Variants in ITPR1 observed in about 807,000 individuals in gnomAD.
ITPR1 encodes inositol 1,4,5-trisphosphate-gated calcium channel ITPR1.
A neutral mutation model predicts 318.4 loss-of-function variants in ITPR1; 96 were observed. The ratio of observed to expected loss-of-function variants is 0.30; its 90% CI spans 0.26 to 0.36. The LOEUF (loss-of-function observed/expected upper bound fraction) is 0.36. ITPR1 is among the 10% of genes least tolerant of loss of function. The pLI is 1.00. For missense variants in ITPR1, 2,440 were observed against 3,460.2 expected (o/e 0.71, Z 7.40); for synonymous variants, 1,312 against 1,289.9 (o/e 1.02, Z -0.37).
chr3:4,669,066 C>T (rs182017793), intron 18 of ITPR1, among the ~76,000 whole-genome samples: 1 of 152,298 alleles, frequency 6.6e-6, no homozygotes, highest in African/African-American at 2.4e-5. Context: ...TGTAAAAACA[C>T]CTACTACCAC....
intron 4 of ITPR1, among the ~76,000 whole-genome samples, chr3:4,622,138 G>A (rs930277835): frequency 1.5e-5 from 2 of 129,310 alleles, no homozygotes; most frequent in African/African-American, 5.7e-5. Context: ...TTTTTGAGAA[G>A]GAGTCTTGTT....
intron 60 of ITPR1, among the ~76,000 whole-genome samples, chr3:4,834,442 C>T (rs1206692669): frequency 6.6e-6 from 1 of 152,160 alleles, no homozygotes; most frequent in Non-Finnish European, 1.5e-5. Context: ...GTAGCAGCCA[C>T]CGTGAGTATC....
intron 60 of ITPR1, among the ~76,000 whole-genome samples, chr3:4,835,660 A>G (rs909705455): frequency 6.6e-6 from 1 of 152,198 alleles, no homozygotes; most frequent in Non-Finnish European, 1.5e-5. Flanking sequence ...GAATGACACC[A>G]GACATGTGGA....
chr3:4,784,991 C>G (rs988932419), intron 51 of ITPR1, among the ~76,000 whole-genome samples: 2 of 152,158 alleles, frequency 1.3e-5, no homozygotes, highest in African/African-American at 4.8e-5. Flanking sequence ...GCTCAAATTA[C>G]AGAAGCAGGT....
chr3:4,746,658 G>A (rs1559821159), intron 44 of ITPR1, among the ~76,000 whole-genome samples: 1 of 152,312 alleles, frequency 6.6e-6, no homozygotes, highest in African/African-American at 2.4e-5. Flanking sequence ...GAGTCCCCTC[G>A]AGGAGCCTCC....
intron 18 of ITPR1, 95 bp downstream of exon 18, chr3:4,667,644 A>C (rs1214210751): frequency 8.0e-7 from 1 of 1,249,834 alleles, no homozygotes; most frequent in Non-Finnish European, 1.1e-6. Flanking sequence ...TTGTGCTGCT[A>C]GTGACAAGTT....
chr3:4,505,393 A>G (rs989770187), intron 2 of ITPR1, among the ~76,000 whole-genome samples: 4 of 152,146 alleles, frequency 2.6e-5, no homozygotes, highest in African/African-American at 9.7e-5. Flanking sequence ...GGGTTTCGCC[A>G]TGTTGGCCAG....
intron 44 of ITPR1, among the ~76,000 whole-genome samples, chr3:4,758,999 C>T (rs1006125595): frequency 6.6e-6 from 1 of 152,228 alleles, no homozygotes; most frequent in Non-Finnish European, 1.5e-5. Context: ...AACAATAATA[C>T]CCCTTTCCAG....
At chr3:4,566,781 G>C (rs1464325468) in intron 4 of ITPR1, among the ~76,000 whole-genome samples, 1 of 152,096 alleles carries the variant, frequency 6.6e-6, no homozygotes, top group Admixed American at 6.5e-5. Flanking sequence ...CCTGGGCCTT[G>C]GCCACTACTA....
intron 31 of ITPR1, 142 bp downstream of exon 31, chr3:4,688,762 C>T (rs2094436498): frequency 3.7e-6 from 3 of 805,348 alleles, no homozygotes; most frequent in Non-Finnish European, 1.9e-6. Flanking sequence ...ATTTTCATCA[C>T]TTATCACGAG....
intron 4 of ITPR1, among the ~76,000 whole-genome samples, chr3:4,560,505 CTTCT>C (rs1182817090): frequency 2.0e-5 from 3 of 151,794 alleles, no homozygotes; most frequent in Non-Finnish European, 4.4e-5. Context: ...CTGTTTTTTC[CTTCT>C]TTCTTTAAAT....
At chr3:4,657,822 G>A (rs970001061) in intron 12 of ITPR1, among the ~76,000 whole-genome samples, 3 of 151,910 alleles carry the variant, frequency 2.0e-5, no homozygotes, top group African/African-American at 7.3e-5. Context: ...GGCCAGGCTG[G>A]TCTTGAACTC....
At chr3:4,745,058 CTCTTTCTGTGTTT>C (rs2043996911) in intron 44 of ITPR1, among the ~76,000 whole-genome samples, 1 of 410 alleles carries the variant, frequency 2.4e-3, no homozygotes, top group Non-Finnish European at 6.4e-3. Flanking sequence ...CTTTTCCTTT[CTCTTTCTGTGTTT>C]TCTTTCTTTC....
At chr3:4,692,163 G>C (rs866994565) in intron 32 of ITPR1, among the ~76,000 whole-genome samples, 1 of 125,488 alleles carries the variant, frequency 8.0e-6, no homozygotes, top group Admixed American at 7.9e-5. Context: ...ATAAAAAAAA[G>C]AGAGAGTCGG....
chr3:4,794,575 A>G, intron 52 of ITPR1, among the ~76,000 whole-genome samples: 1 of 152,190 alleles, frequency 6.6e-6, no homozygotes, highest in East Asian at 1.9e-4. Context: ...TGTGGAAATG[A>G]TACCAGCCCT....
chr3:4,748,729 A>G lies in ITPR1; in HGVS notation c.5544+13375A>G, dbSNP rs551394824. ...ATTTACAAGAGGAAGTATCCCGTTT[A>G]ATTTTACTTTCACACCAAAAACCCA... On this transcript the variant is annotated intron_variant, in intron 44 of 61. Transcript: ENST00000649015. Among the ~76,000 whole-genome samples the G allele has an allele frequency of 3.8e-4, 58 of 152,288 alleles. No homozygotes were observed. The South Asian group carries it at 0.011, about 30-fold the overall frequency.
intron 4 of ITPR1, among the ~76,000 whole-genome samples, chr3:4,567,583 G>T (rs534777019): frequency 6.7e-6 from 1 of 149,240 alleles, no homozygotes; most frequent in Non-Finnish European, 1.5e-5. Context: ...GGCTTTATAG[G>T]GGAGGTGACG....
intron 2 of ITPR1, among the ~76,000 whole-genome samples, chr3:4,502,490 G>A (rs1031193031): frequency 6.6e-6 from 1 of 151,538 alleles, no homozygotes; most frequent in Non-Finnish European, 1.5e-5. Flanking sequence ...CACCAGGCTG[G>A]AGTGCAGTGG....
intron 4 of ITPR1, among the ~76,000 whole-genome samples, chr3:4,592,258 C>A (rs1033332412): frequency 1.3e-5 from 2 of 152,190 alleles, no homozygotes; most frequent in Non-Finnish European, 1.5e-5. Flanking sequence ...TACAAACTGA[C>A]TGTCTTGTTT....
Sources: allele counts gnomAD v4.1 joint callset (sites outside exome capture counted in the v4.1 genomes callset), GRCh38; gene constraint gnomAD v4.1.1; transcripts MANE v1.5; gene names NCBI Gene and HGNC (gene_info 2026-07-23, HGNC 2026-07-21).